Variants in DNAH8 observed in about 807,000 individuals in gnomAD.
The protein encoded by DNAH8 is dynein axonemal heavy chain 8, also known as axonemal beta dynein heavy chain 8.
A neutral mutation model predicts 562.1 loss-of-function variants in DNAH8; 382 were observed. The observed-to-expected ratio is 0.68, with a 90% CI of 0.63 to 0.74. The LOEUF is 0.74. DNAH8 is among the 30% of genes least tolerant of loss of function. The probability of loss-of-function intolerance (pLI) is 0.00; values close to 1 mark genes in which losing one functional copy is unlikely to be tolerated. For synonymous variants in DNAH8, 1,881 were observed against 1,919.4 expected, an observed-to-expected ratio of 0.98 and a Z score of 0.52; for missense variants, 5,203 against 5,620.4, an observed-to-expected ratio of 0.93 and a Z score of 2.37.
At chr6:38,792,704 G>C (rs1369463782) in intron 21 of DNAH8, among the ~76,000 whole-genome samples, 1 of 152,240 alleles carries the variant, frequency 6.6e-6, no homozygotes, top group South Asian at 2.1e-4. Context: ...CAGGAACCCT[G>C]TCTAAACATT....
intron 7 of DNAH8, among the ~76,000 whole-genome samples, chr6:38,738,231 G>A (rs763365352): frequency 5.1e-4 from 77 of 152,128 alleles, no homozygotes; most frequent in Non-Finnish European, 9.8e-4. Flanking sequence ...TGAAGAATCA[G>A]GAATAGCCAA....
chr6:38,750,866 G>A (rs1317512241), intron 9 of DNAH8, among the ~76,000 whole-genome samples: 1 of 152,018 alleles, frequency 6.6e-6, no homozygotes. Context: ...CCTGCCAAAA[G>A]TTATTTAAAA....
chr6:38,896,618 AAAG>A (rs1779714134), intron 60 of DNAH8, among the ~76,000 whole-genome samples: 1 of 151,854 alleles, frequency 6.6e-6, no homozygotes, highest in African/African-American at 2.4e-5. Context: ...AAAAAACAAA[AAAG>A]AGAGAGAGAG....
chr6:39,024,238 T>C (rs751951052), intron 91 of DNAH8, among the ~76,000 whole-genome samples: 5 of 152,224 alleles, frequency 3.3e-5, no homozygotes, highest in Non-Finnish European at 7.3e-5. Context: ...CTTGTACAAA[T>C]GGATGGTTAA....
At chr6:38,848,050 CT>C (rs1249133892) in intron 36 of DNAH8, among the ~76,000 whole-genome samples, 2 of 152,250 alleles carry the variant, frequency 1.3e-5, no homozygotes, top group Admixed American at 1.3e-4. Context: ...GAACATCAGA[CT>C]TCAAGCTTGA....
chr6:39,013,856 GAGAGAGAGAGAGAGAA>G (rs879764194), intron 91 of DNAH8, among the ~76,000 whole-genome samples: 6 of 108,286 alleles, frequency 5.5e-5, no homozygotes, highest in Non-Finnish European at 1.2e-4. Flanking sequence ...ATCTAAAAAA[GAGAGAGAGAGAGAGAA>G]AGAGAGAGAG....
chr6:38,983,120 A>G (rs1437820225), intron 86 of DNAH8, among the ~76,000 whole-genome samples: 1 of 152,208 alleles, frequency 6.6e-6, no homozygotes, highest in African/African-American at 2.4e-5. Flanking sequence ...AGGGTTGGAA[A>G]TTTGTTTTTT....
chr6:38,818,149 C>T (rs1014676899), intron 26 of DNAH8, among the ~76,000 whole-genome samples: 1 of 151,992 alleles, frequency 6.6e-6, no homozygotes, highest in East Asian at 1.9e-4. Flanking sequence ...GTTCTTTCTT[C>T]AGAGAGGTTA....
At chr6:38,773,864 G>C (rs539207479) in intron 12 of DNAH8, among the ~76,000 whole-genome samples, 2 of 152,186 alleles carry the variant, frequency 1.3e-5, no homozygotes, top group African/African-American at 4.8e-5. Context: ...TGTGCACTAA[G>C]AGCCTATTAG....
chr6:38,970,414 A>T (rs911330608), intron 82 of DNAH8, among the ~76,000 whole-genome samples: 11 of 152,170 alleles, frequency 7.2e-5, no homozygotes, highest in African/African-American at 2.6e-4. Context: ...TTGGTGGGAA[A>T]ATCCACCTTT....
chr6:38,717,990 T>C (rs1359631575), intron 1 of DNAH8, among the ~76,000 whole-genome samples: 1 of 152,244 alleles, frequency 6.6e-6, no homozygotes, highest in Non-Finnish European at 1.5e-5. Context: ...GTGGTGTTAT[T>C]ATGCAATGTG....
intron 18 of DNAH8, among the ~76,000 whole-genome samples, chr6:38,788,343 G>A (rs975473918): frequency 5.3e-5 from 8 of 151,972 alleles, no homozygotes; most frequent in African/African-American, 1.9e-4. Context: ...GTAGAGACGG[G>A]GTTTCACCAT....
intron 71 of DNAH8, among the ~76,000 whole-genome samples, chr6:38,922,305 A>C (rs538124602): frequency 6.6e-6 from 1 of 151,594 alleles, no homozygotes; most frequent in East Asian, 1.9e-4. Flanking sequence ...GATTTGTAAT[A>C]TTTGCTGATT....
chr6:38,910,792 A>G (rs1780830694), intron 65 of DNAH8, among the ~76,000 whole-genome samples: 1 of 152,248 alleles, frequency 6.6e-6, no homozygotes, highest in African/African-American at 2.4e-5. Flanking sequence ...ACTCAAAAGC[A>G]TTAAAAATCT....
chr6:38,949,530 A>G lies in DNAH8; in HGVS notation c.12208A>G (p.Asn4070Asp), dbSNP rs1761712377. 1 of 1,612,470 alleles carries G rather than the reference A, an allele frequency of 6.2e-7. No homozygotes were observed. The highest frequency in any genetic ancestry group is 8.5e-7 in the Non-Finnish European group (1 of 1,178,544). ...GGAGGAAATTATCCCTGATGGATATAATGATTCACTAGATACCTGCCATAA... is the reference window on the plus strand; with the variant it reads ...GGAGGAAATTATCCCTGATGGATATGATGATTCACTAGATACCTGCCATAA... ...PEEEIIPDGY[N>D]DSLDTCHKLL... Residue 4070 changes from asparagine (N) to aspartate (D), a missense_variant, in exon 81 of 93, where the codon AAT (asparagine) becomes GAT (aspartate). By Grantham distance (23) the Asn-to-Asp change is conservative. This residue lies in a region of DNAH8 where 1,399 missense variants were observed against 1,518.4 expected (regional missense o/e 0.92). Coordinates refer to ENST00000327475, the MANE Select transcript of DNAH8 (RefSeq NM_001206927.2).
chr6:38,718,022 G>C (rs1762476369), intron 1 of DNAH8, among the ~76,000 whole-genome samples: 1 of 152,164 alleles, frequency 6.6e-6, no homozygotes, highest in Non-Finnish European at 1.5e-5. Context: ...ATGTAACGAT[G>C]TGTCTTGGAG....
At chr6:38,788,154 T>TG (rs1441081693) in intron 18 of DNAH8, among the ~76,000 whole-genome samples, 2 of 87,100 alleles carry the variant, frequency 2.3e-5, no homozygotes, top group East Asian at 1.4e-3. Flanking sequence ...AGACTTTTCC[T>TG]GTTTTTTTTT....
chr6:38,943,425 G>T (rs1308244342), intron 79 of DNAH8, among the ~76,000 whole-genome samples: 1 of 152,114 alleles, frequency 6.6e-6, no homozygotes, highest in East Asian at 1.9e-4. Flanking sequence ...ATACTTAAGG[G>T]GGAGAGTGGA....
At chr6:39,021,014 A>AT (rs1766883978) in intron 91 of DNAH8, among the ~76,000 whole-genome samples, 1 of 152,142 alleles carries the variant, frequency 6.6e-6, no homozygotes, top group Admixed American at 6.5e-5. Flanking sequence ...AATGATTTGT[A>AT]TTTTTTTGGG....
Sources: allele counts gnomAD v4.1 joint callset (sites outside exome capture counted in the v4.1 genomes callset), GRCh38; gene constraint gnomAD v4.1.1; regional missense constraint gnomAD v4.1.1; transcripts MANE v1.5; gene names NCBI Gene and HGNC (gene_info 2026-07-23, HGNC 2026-07-21).